SLC12A2: variants seen among roughly 807,000 people sequenced by gnomAD.
SLC12A2 encodes the protein Na-K-2Cl cotransporter 1.
Under a neutral mutation model 136.3 loss-of-function variants are expected in SLC12A2, and 67 were observed. That is an observed-to-expected ratio of 0.49 (90% CI 0.40 to 0.60). SLC12A2 has a LOEUF of 0.60. Ranked by LOEUF, SLC12A2 falls within the 20% of genes least tolerant of loss-of-function variation. The pLI is 0.00. For synonymous variants in SLC12A2, 619 were observed against 562.9 expected (o/e 1.10, Z -1.41); for missense variants, 1,322 against 1,534.7 (o/e 0.86, Z 2.32).
chr5:128,083,900 C>T lies in SLC12A2; in HGVS notation c.-55C>T, dbSNP rs1759898058. 5 of 1,194,806 alleles carry T rather than the reference C, an allele frequency of 4.2e-6. No homozygotes were observed. The highest frequency in any genetic ancestry group is 5.2e-6 in the Non-Finnish European group (5 of 958,836). 74.0% of individuals were successfully genotyped at this position (1,194,806 alleles called of 1,614,324 possible). A position where few individuals can be genotyped will look rare whatever the true frequency, so the allele number is the denominator to read the frequency against. ...CACCGCCGGCCAGGGGTGTGGAGGG[C>T]GTGCTGCCGGAGACGTCCGCCGGGC... On this transcript the variant is annotated 5_prime_UTR_variant, in exon 1 of 27. Coordinates refer to ENST00000262461, the MANE Select transcript of SLC12A2 (RefSeq NM_001046.3).
chr5:128,121,293 G>A (rs971831756), intron 4 of SLC12A2, among the ~76,000 whole-genome samples: 3 of 152,024 alleles, frequency 2.0e-5, no homozygotes, highest in Non-Finnish European at 2.9e-5. Context: ...TTCAATTTTA[G>A]TACTGATGTG....
At chr5:128,161,924 TTAAAG>T in intron 17 of SLC12A2, 124 bp downstream of exon 17, 2 of 645,212 alleles carry the variant, frequency 3.1e-6, no homozygotes, top group Non-Finnish European at 4.6e-6. Flanking sequence ...TATGTCTTTA[TTAAAG>T]TAAACTACTT....
At chr5:128,090,838 T>C (rs1760285470) in intron 1 of SLC12A2, among the ~76,000 whole-genome samples, 1 of 152,292 alleles carries the variant, frequency 6.6e-6, no homozygotes, top group Middle Eastern at 3.4e-3. Flanking sequence ...CAAGACCGAA[T>C]TGATGAGGCA....
chr5:128,089,522 G>C lies in SLC12A2; in HGVS notation c.756+4812G>C, dbSNP rs183733424. 4.9e-4 allele frequency among the ~76,000 whole-genome samples: 74 copies of C among 152,286 alleles called. 2 individuals carry two copies. Among genetic ancestry groups the C allele is most frequent in the East Asian group, 3.9e-3 (20 of 5,178 alleles). ...TTTCTATCCCTTAGACCTGTTCTAA[G>C]ATAACAAAGATGTTGAGGGGGACCC... is the stretch of plus-strand genomic sequence containing the variant. On this transcript the variant is annotated intron_variant, in intron 1 of 26. Coordinates refer to ENST00000262461, the MANE Select transcript of SLC12A2 (RefSeq NM_001046.3).
chr5:128,156,528 A>G (rs1284284681), intron 15 of SLC12A2, among the ~76,000 whole-genome samples: 1 of 152,180 alleles, frequency 6.6e-6, no homozygotes, highest in African/African-American at 2.4e-5. Flanking sequence ...TTTATTGTTT[A>G]GTAAAGATAG....
rs569916706 is a variant in SLC12A2 at position 128,162,947 on chromosome 5, G to GT, written c.2616+1157dup. ...AAAACATTATGAGCTATTTTTGTGA[G>GT]TTTTTTTTTTAAGCTGATCAGCTAT... is the stretch of plus-strand genomic sequence containing the variant. On this transcript the variant is annotated intron_variant, in intron 17 of 26. Transcript: ENST00000262461. Among the ~76,000 whole-genome samples, 251 of 148,872 alleles carry GT rather than the reference G, an allele frequency of 1.7e-3. 1 individual carries two copies. In the South Asian group the frequency reaches 0.026, roughly 15 times the overall value.
intron 4 of SLC12A2, among the ~76,000 whole-genome samples, chr5:128,121,763 A>G (rs757936983): frequency 6.6e-6 from 1 of 152,198 alleles, no homozygotes; most frequent in African/African-American, 2.4e-5. Context: ...TGCAAGACAC[A>G]TTAATGCTTT....
At chr5:128,114,565 T>G (rs1328559503) in intron 3 of SLC12A2, 21 bp from the exon 4 acceptor site, 1 of 1,502,688 alleles carries the variant, frequency 6.7e-7, no homozygotes, top group Non-Finnish European at 9.3e-7. Flanking sequence ...GTATTCTCAT[T>G]GTCTTTCTTT....
At chr5:128,178,498 A>G in intron 21 of SLC12A2, 69 bp from the exon 22 acceptor site, 1 of 1,163,904 alleles carries the variant, frequency 8.6e-7, no homozygotes, top group Non-Finnish European at 1.2e-6. Flanking sequence ...TTAGGAAATG[A>G]TAGGAATTCA....
At chr5:128,105,924 A>T (rs540725383) in intron 1 of SLC12A2, among the ~76,000 whole-genome samples, 9 of 152,192 alleles carry the variant, frequency 5.9e-5, no homozygotes, top group African/African-American at 2.2e-4. Flanking sequence ...TAACTGCTGG[A>T]TAGGACTCTA....
At chr5:128,168,719 C>G (rs921247097) in intron 18 of SLC12A2, 3 of 152,168 alleles carry the variant, frequency 2.0e-5, no homozygotes, top group Non-Finnish European at 4.4e-5. Flanking sequence ...CTAGATTCCT[C>G]ACATGCGCAG....
intron 1 of SLC12A2, among the ~76,000 whole-genome samples, chr5:128,089,485 C>T (rs938833519): frequency 6.6e-6 from 1 of 152,218 alleles, no homozygotes; most frequent in Non-Finnish European, 1.5e-5. Context: ...GCAGGTTCTT[C>T]TCTCTTTATC....
At chr5:128,130,416 G>A (rs1382215693) in intron 4 of SLC12A2, among the ~76,000 whole-genome samples, 1 of 151,332 alleles carries the variant, frequency 6.6e-6, no homozygotes, top group Non-Finnish European at 1.5e-5. Context: ...TCAGGAGGCT[G>A]AGGCAGGAGA....
intron 22 of SLC12A2, among the ~76,000 whole-genome samples, chr5:128,180,084 C>G (rs1763659969): frequency 6.7e-6 from 1 of 150,218 alleles, no homozygotes. Context: ...ATTCTCCTGC[C>G]TCAGCCTCCC....
intron 1 of SLC12A2, among the ~76,000 whole-genome samples, chr5:128,089,758 TAAC>T (rs1452495061): frequency 1.3e-5 from 2 of 152,242 alleles, no homozygotes; most frequent in East Asian, 3.8e-4. Context: ...TCCTGTCACT[TAAC>T]AAGGACTTTA....
At chr5:128,108,974 G>T (rs546283149) in intron 1 of SLC12A2, among the ~76,000 whole-genome samples, 2 of 152,208 alleles carry the variant, frequency 1.3e-5, no homozygotes, top group South Asian at 4.2e-4. Flanking sequence ...TACTTAATGT[G>T]TTTTAGGATC....
chr5:128,157,332 A>G (rs1489113046), intron 15 of SLC12A2, among the ~76,000 whole-genome samples: 2 of 152,204 alleles, frequency 1.3e-5, no homozygotes, highest in Non-Finnish European at 2.9e-5. Context: ...AATATATGAA[A>G]GGCATGCCAC....
intron 15 of SLC12A2, among the ~76,000 whole-genome samples, chr5:128,153,453 G>A (rs1487822625): frequency 6.6e-6 from 1 of 152,178 alleles, no homozygotes; most frequent in Admixed American, 6.5e-5. Flanking sequence ...TACTTGGGAG[G>A]CTGAGGCAGG....
At chr5:128,117,397 T>G (rs1017214141) in intron 4 of SLC12A2, among the ~76,000 whole-genome samples, 3 of 152,172 alleles carry the variant, frequency 2.0e-5, no homozygotes, top group African/African-American at 7.2e-5. Flanking sequence ...ACTTTTCACC[T>G]TTGAAACATA....
Sources: allele counts gnomAD v4.1 joint callset (sites outside exome capture counted in the v4.1 genomes callset), GRCh38; gene constraint gnomAD v4.1.1; transcripts MANE v1.5; gene names NCBI Gene and HGNC (gene_info 2026-07-23, HGNC 2026-07-21).